The following CPO variants were observed in gnomAD, a reference collection of about 807,000 sequenced individuals.
The protein encoded by CPO is carboxypeptidase O.
A neutral mutation model predicts 41.2 loss-of-function variants in CPO; 43 were observed. The observed-to-expected ratio is 1.04, with a 90% CI of 0.82 to 1.35. The LOEUF is 1.35. Ranked by LOEUF, CPO falls within the 40% of genes most tolerant of loss-of-function variation. The pLI is 0.00. For synonymous variants in CPO, 178 were observed against 162.7 expected, an observed-to-expected ratio of 1.09 and a Z score of -0.72; for missense variants, 408 against 451.7, an observed-to-expected ratio of 0.90 and a Z score of 0.88.
In CPO at chr2:206,959,740, C is replaced by G; in HGVS notation, c.482C>G (p.Thr161Ser). 7.5e-7 allele frequency: 1 copy of G among 1,325,838 alleles called. No homozygotes were observed. Among genetic ancestry groups the G allele is most frequent in the Non-Finnish European group, 1.1e-6 (1 of 918,250 alleles). The allele number at this position is 1,325,838 out of a possible 1,614,324, so 82.1% of individuals were successfully genotyped here. A position where few individuals can be genotyped will look rare whatever the true frequency, so the allele number is the denominator to read the frequency against. ...NIDGYIYTWT[T>S]DRLWRKSRSP... ...GATGGTTATATCTACACTTGGACAACTGTGAGTACACCATGTTTGGTCCTG... is the reference window on the plus strand; with the variant it reads ...GATGGTTATATCTACACTTGGACAAGTGTGAGTACACCATGTTTGGTCCTG... Residue 161 changes from threonine (T) to serine (S), a missense_variant and splice_region_variant, in exon 5 of 9, where the codon ACT becomes AGT. Physicochemically the swap from Thr to Ser is moderately conservative, Grantham distance 58. Coordinates refer to ENST00000272852, the MANE Select transcript of CPO (RefSeq NM_173077.3).
At chr2:206,956,928 A>G (rs1335441536) in intron 3 of CPO, among the ~76,000 whole-genome samples, 1 of 152,208 alleles carries the variant, frequency 6.6e-6, no homozygotes, top group Admixed American at 6.5e-5. Context: ...TCCATAGGCA[A>G]TCCAAGTCTA....
At chr2:206,959,811 T>C (rs545959986) in intron 5 of CPO, 70 bp downstream of exon 5, 26 of 722,760 alleles carry the variant, frequency 3.6e-5, no homozygotes, top group African/African-American at 2.1e-4. Flanking sequence ...ATTTTTCCAA[T>C]GTTATCCATT....
chr2:206,943,732 A>G (rs908001120), intron 1 of CPO, among the ~76,000 whole-genome samples: 1,039 of 27,324 alleles, frequency 0.038, 4 homozygotes, highest in African/African-American at 0.087. Flanking sequence ...GATAGATGAT[A>G]GATAGATAGA....
intron 1 of CPO, among the ~76,000 whole-genome samples, chr2:206,940,953 T>C (rs923414349): frequency 5.3e-5 from 8 of 152,114 alleles, no homozygotes; most frequent in African/African-American, 1.9e-4. Flanking sequence ...TCCATTAGTT[T>C]ACTTGGTTTC....
rs752909052 is a variant in CPO, at chr2:206,955,588, C to T, written c.267+24C>T. On this transcript the variant is annotated intron_variant, in intron 3 of 8. Transcript: ENST00000272852. Reference sequence around the variant, plus strand: ...AGGTGAGTGAGAAGGCTGAGAATTACCTTACCAGGAGAATTATCCAGGAGG... The same window carrying T: ...AGGTGAGTGAGAAGGCTGAGAATTATCTTACCAGGAGAATTATCCAGGAGG... The T allele has an allele frequency of 1.2e-5, 14 of 1,193,352 alleles. No homozygotes were observed. In the South Asian group the frequency reaches 1.3e-4, roughly 11 times the overall value. 73.9% of individuals were successfully genotyped at this position (1,193,352 alleles called of 1,614,324 possible).
intron 1 of CPO, among the ~76,000 whole-genome samples, chr2:206,940,684 T>C (rs1425062359): frequency 6.6e-6 from 1 of 152,014 alleles, no homozygotes; most frequent in African/African-American, 2.4e-5. Context: ...CTTGTTCATA[T>C]GCAAATCATT....
chr2:206,962,424 C>A lies in CPO; in HGVS notation c.587C>A (p.Ser196Tyr). The A allele has an allele frequency of 6.2e-7, 1 of 1,614,052 alleles. No homozygotes were observed. The highest frequency in any genetic ancestry group is 1.7e-4 in the Middle Eastern group (1 of 6,060). Residue 196 changes from serine to tyrosine, a missense_variant, in exon 7 of 9, where the codon TCT becomes TAT. Physicochemically the swap from Ser to Tyr is moderately radical, Grantham distance 144 (BLOSUM62 -2). Transcript: ENST00000272852. ...FNASWCSIGA[S>Y]RNCQDQTFCG... ...TTCCATATTCTAGGTATTGGTGCCT[C>A]TAGAAACTGCCAAGATCAAACATTC...
intron 8 of CPO, 132 bp downstream of exon 8, chr2:206,968,479 G>T: frequency 1.5e-6 from 1 of 651,156 alleles, no homozygotes; most frequent in Non-Finnish European, 2.7e-6. Context: ...AAATCAAAAT[G>T]ACCAAGGATA....
At chr2:206,959,532 G>A in intron 4 of CPO, 99 bp from the exon 5 acceptor site, 2 of 657,140 alleles carry the variant, frequency 3.0e-6, no homozygotes, top group Non-Finnish European at 5.6e-6. Flanking sequence ...GTGGAGGTGT[G>A]ATGTACAGTC....
At chr2:206,939,713 G>A in intron 1 of CPO, 46 bp downstream of exon 1, 2 of 1,510,580 alleles carry the variant, frequency 1.3e-6, no homozygotes, top group Non-Finnish European at 9.2e-7. Flanking sequence ...AATTTAGATT[G>A]TCTAAATTGA....
At chr2:206,957,357 C>G (rs906847981) in intron 3 of CPO, among the ~76,000 whole-genome samples, 5 of 144,196 alleles carry the variant, frequency 3.5e-5, no homozygotes, top group African/African-American at 1.3e-4. Context: ...GCCTGGGTGA[C>G]AGAGCGAGAC....
chr2:206,966,755 T>A (rs1457963481), intron 7 of CPO, among the ~76,000 whole-genome samples: 1 of 152,182 alleles, frequency 6.6e-6, no homozygotes, highest in East Asian at 1.9e-4. Context: ...CTTGCAAGTA[T>A]GTTTGACAGA....
intron 1 of CPO, among the ~76,000 whole-genome samples, chr2:206,949,102 A>G (rs1249731303): frequency 1.3e-5 from 2 of 151,760 alleles, no homozygotes; most frequent in Admixed American, 6.6e-5. Flanking sequence ...AGTTCTCACC[A>G]TTATATGCAG....
intron 2 of CPO, among the ~76,000 whole-genome samples, chr2:206,950,612 T>A (rs1693242199): frequency 6.6e-6 from 1 of 152,126 alleles, no homozygotes; most frequent in Non-Finnish European, 1.5e-5. Flanking sequence ...CATTCTATGA[T>A]AAAGACACAT....
chr2:206,948,491 C>G (rs1693187749), intron 1 of CPO, among the ~76,000 whole-genome samples: 1 of 152,184 alleles, frequency 6.6e-6, no homozygotes, highest in African/African-American at 2.4e-5. Flanking sequence ...GTGCCTGGCT[C>G]AGCGGCTCAC....
intron 7 of CPO, among the ~76,000 whole-genome samples, chr2:206,963,535 C>T (rs1693518419): frequency 6.6e-6 from 1 of 152,166 alleles, no homozygotes; most frequent in East Asian, 1.9e-4. Flanking sequence ...AACCATCACT[C>T]TACTGTCTGT....
At chr2:206,955,330 T>C (rs1159772735) in intron 2 of CPO, 133 bp from the exon 3 acceptor site, 1 of 671,198 alleles carries the variant, frequency 1.5e-6, no homozygotes, top group African/African-American at 1.8e-5. Flanking sequence ...TCTGTTTCTT[T>C]TACCACACAG....
chr2:206,949,474 T>G, intron 1 of CPO, 143 bp from the exon 2 acceptor site: 1 of 580,516 alleles, frequency 1.7e-6, no homozygotes, highest in Non-Finnish European at 3.1e-6. Flanking sequence ...AATTAGTAAG[T>G]CACAGAGCCA....
intron 7 of CPO, among the ~76,000 whole-genome samples, chr2:206,962,837 G>T (rs1693506777): frequency 6.6e-6 from 1 of 152,188 alleles, no homozygotes; most frequent in Non-Finnish European, 1.5e-5. Context: ...TTCATAAAGT[G>T]TCAAGTTGGG....
Sources: gnomAD v4.1 joint callset for allele counts (sites outside exome capture counted in the v4.1 genomes callset) on GRCh38, gnomAD v4.1.1 for gene constraint, MANE v1.5 for transcripts, NCBI Gene and HGNC (gene_info 2026-07-23, HGNC 2026-07-21) for gene names.